The following HDAC2 variants were observed in gnomAD, a reference collection of about 807,000 sequenced individuals.
HDAC2 encodes YY1-associated factor 1.
A neutral mutation model predicts 68.5 loss-of-function variants in HDAC2; 5 were observed. The ratio of observed to expected loss-of-function variants is 0.07; its 90% CI spans 0.04 to 0.15. The LOEUF (loss-of-function observed/expected upper bound fraction) is 0.15, where lower values mean the gene tolerates loss of function less well. Ranked by LOEUF, HDAC2 falls within the 10% of genes least tolerant of loss-of-function variation. The pLI, the probability that HDAC2 is intolerant of heterozygous loss-of-function variation, is 1.00. For synonymous variants in HDAC2, 182 were observed against 191.3 expected, an observed-to-expected ratio of 0.95 and a Z score of 0.40; for missense variants, 291 against 600.8, an observed-to-expected ratio of 0.48 and a Z score of 5.39.
At chr6:113,952,066 C>CATA (rs1776432515) in intron 6 of HDAC2, among the ~76,000 whole-genome samples, 2 of 152,152 alleles carry the variant, frequency 1.3e-5, no homozygotes, top group African/African-American at 4.8e-5. Context: ...TGTATTCTAT[C>CATA]AGTTTACAGC....
intron 5 of HDAC2, 137 bp from the exon 6 acceptor site, chr6:113,953,555 G>C: frequency 1.9e-6 from 1 of 529,358 alleles, no homozygotes; most frequent in African/African-American, 1.9e-5. Context: ...AGCCTAAGAG[G>C]TTATTCAAAT....
intron 1 of HDAC2, among the ~76,000 whole-genome samples, chr6:113,961,344 C>T (rs1280309077): frequency 6.6e-6 from 1 of 152,140 alleles, no homozygotes; most frequent in Non-Finnish European, 1.5e-5. Flanking sequence ...TTTACAAAAT[C>T]CATGCTTCTA....
At position 113,939,756 on chromosome 6, in the gene HDAC2, A is replaced by C. The variant is rs978228338; in HGVS notation, c.*1302T>G. ...AATTTCGGTGTATTTTAAGAAAAAAACACCGAAGCAAATATAGCAAAAGTA... is the reference window on the plus strand; with the variant it reads ...AATTTCGGTGTATTTTAAGAAAAAACCACCGAAGCAAATATAGCAAAAGTA... On this transcript the variant is annotated 3_prime_UTR_variant, in exon 14 of 14. Coordinates refer to ENST00000519065, the MANE Select transcript of HDAC2 (RefSeq NM_001527.4). The C allele has an allele frequency of 6.6e-6, 1 of 152,228 alleles. No homozygotes were observed. Among genetic ancestry groups the C allele is most frequent in the African/African-American group, 2.4e-5 (1 of 41,464 alleles). The allele number at this position is 152,228 out of a possible 1,614,324, so 9.4% of individuals were successfully genotyped here.
At chr6:113,962,211 T>C (rs1776700042) in intron 1 of HDAC2, among the ~76,000 whole-genome samples, 1 of 152,156 alleles carries the variant, frequency 6.6e-6, no homozygotes, top group African/African-American at 2.4e-5. Flanking sequence ...TTATTCCTAT[T>C]GTATAATAGT....
chr6:113,965,413 C>A (rs1394065045), intron 1 of HDAC2, among the ~76,000 whole-genome samples: 1 of 151,622 alleles, frequency 6.6e-6, no homozygotes, highest in African/African-American at 2.4e-5. Flanking sequence ...CCCACCCAGG[C>A]TGGAGTGCAA....
rs143226647 is a variant in HDAC2, at chr6:113,943,057, T to C, written c.1378+294A>G. 3.9e-5 allele frequency among the ~76,000 whole-genome samples: 6 copies of C among 152,318 alleles called. No individual in the cohort carries two copies. The East Asian group carries it at 1.2e-3, about 29-fold the overall frequency. On this transcript the variant is annotated intron_variant, in intron 12 of 13. Coordinates refer to ENST00000519065, the MANE Select transcript of HDAC2 (RefSeq NM_001527.4). The stretch of plus-strand genomic sequence containing the variant: ...CCATGCACTACCAATAGATTCATAA[T>C]TACTTTGTCCTCTTTCTTAACCAAT...
chr6:113,960,931 C>T (rs541371979), intron 1 of HDAC2, among the ~76,000 whole-genome samples: 36 of 152,172 alleles, frequency 2.4e-4, no homozygotes, highest in Admixed American at 9.2e-4. Context: ...CTAAATCATA[C>T]AGTGTAACAA....
chr6:113,962,472 C>T lies in HDAC2; in HGVS notation c.53-2454G>A, dbSNP rs149532681. ...TCTTGGTTAATTTAAAGAAAATGAA[C>T]ACAAGAAACTGTACCTAATATATCA... On this transcript the variant is annotated intron_variant, in intron 1 of 13. Transcript: ENST00000519065. The T allele has an allele frequency of 5.0e-3, 1,323 of 262,706 alleles. 14 individuals carry two copies. In the South Asian group the frequency reaches 0.056, roughly 11 times the overall value. 16.3% of individuals were successfully genotyped at this position (262,706 alleles called of 1,614,324 possible). A position where few individuals can be genotyped will look rare whatever the true frequency, so the allele number is the denominator to read the frequency against.
intron 1 of HDAC2, 142 bp downstream of exon 1, chr6:113,970,715 G>C (rs1221949474): frequency 7.2e-7 from 1 of 1,395,712 alleles, no homozygotes; most frequent in East Asian, 2.8e-5. Flanking sequence ...AACTGTGCCG[G>C]GCCGGGAACG....
At position 113,949,215 on chromosome 6, in the gene HDAC2, T is replaced by G. The variant is rs1198502068; in HGVS notation, c.685A>C (p.Met229Leu). The change falls in exon 7 of 14, where the codon ATG (methionine) becomes CTG (leucine). Residue 229 changes from methionine (M) to leucine (L), a missense_variant. This residue lies in a region of HDAC2 where 154 missense variants were observed against 472.1 expected (regional missense o/e 0.33). Transcript: ENST00000519065. ...KGKYYAVNFP[M>L]RDGIDDESYG... ...GACTCATCATCTATACCATCTCTCA[T>G]TGGAAAATTGACAGCATAGTATTTG... 1 of 1,608,638 alleles carries G rather than the reference T, an allele frequency of 6.2e-7. No homozygotes were observed. The highest frequency in any genetic ancestry group is 1.3e-5 in the African/African-American group (1 of 74,810).
chr6:113,945,260 T>C, intron 10 of HDAC2, 102 bp downstream of exon 10: 3 of 488,808 alleles, frequency 6.1e-6, no homozygotes, highest in South Asian at 4.2e-5. Context: ...AAAAACAAAA[T>C]ATCTAATAAA....
At chr6:113,965,349 CCT>C (rs994628877) in intron 1 of HDAC2, among the ~76,000 whole-genome samples, 4 of 151,602 alleles carry the variant, frequency 2.6e-5, no homozygotes, top group Non-Finnish European at 4.4e-5. Flanking sequence ...TCAAAGGTCC[CCT>C]CTCTTTTACT....
At chr6:113,966,745 AG>A (rs976132462) in intron 1 of HDAC2, among the ~76,000 whole-genome samples, 18 of 152,182 alleles carry the variant, frequency 1.2e-4, no homozygotes, top group African/African-American at 3.9e-4. Context: ...AAGAAAAATA[AG>A]GCAATAACAG....
In HDAC2 at chr6:113,941,774, A is replaced by T; in HGVS notation, c.1379-9T>A. 1 of 1,220,430 alleles carries T rather than the reference A, an allele frequency of 8.2e-7. No homozygotes were observed. Among genetic ancestry groups the T allele is most frequent in the Non-Finnish European group, 1.1e-6 (1 of 874,068 alleles). 75.6% of individuals were successfully genotyped at this position (1,220,430 alleles called of 1,614,324 possible). A position where few individuals can be genotyped will look rare whatever the true frequency, so the allele number is the denominator to read the frequency against. On this transcript the variant is annotated splice_polypyrimidine_tract_variant and intron_variant, in intron 12 of 13. Transcript: ENST00000519065. ...ATCTTCTTCCTTAACGTCTAAAAAT[A>T]AAGATTGGGAAAAGATTAAAACCTA...
chr6:113,970,450 G>A (rs1776960779), intron 1 of HDAC2: 4 of 1,058,336 alleles, frequency 3.8e-6, no homozygotes, highest in Non-Finnish European at 4.6e-6. Context: ...GGGTCGAGGG[G>A]GTAGGAGGCC....
chr6:113,965,122 T>C (rs950511719), intron 1 of HDAC2, among the ~76,000 whole-genome samples: 1 of 152,232 alleles, frequency 6.6e-6, no homozygotes, highest in Non-Finnish European at 1.5e-5. Context: ...TTTCCACCTC[T>C]GGGTAAAGTC....
At position 113,952,920 on chromosome 6, in the gene HDAC2, C is replaced by T. The variant is rs139877418; in HGVS notation, c.639+357G>A. On this transcript the variant is annotated intron_variant, in intron 6 of 13. Transcript: ENST00000519065. ...AGAGGAGCAGAAGAACCTAAAAAGACCTAGTCTATTTTATTCCACCATTCT... is the reference window on the plus strand; with the variant it reads ...AGAGGAGCAGAAGAACCTAAAAAGATCTAGTCTATTTTATTCCACCATTCT... Among the ~76,000 whole-genome samples, 330 of 152,212 alleles carry T rather than the reference C, an allele frequency of 2.2e-3. 2 individuals are homozygous for T. Among genetic ancestry groups the T allele is most frequent in the African/African-American group, 7.7e-3 (320 of 41,554 alleles).
intron 2 of HDAC2, 146 bp downstream of exon 2, chr6:113,959,760 G>A (rs980345295): frequency 5.3e-6 from 3 of 566,068 alleles, no homozygotes; most frequent in Non-Finnish European, 9.5e-6. Flanking sequence ...CATCTCCTAA[G>A]AATAAACGAA....
chr6:113,952,456 C>CAA (rs2114603037), intron 6 of HDAC2, among the ~76,000 whole-genome samples: 1 of 152,298 alleles, frequency 6.6e-6, no homozygotes, highest in African/African-American at 2.4e-5. Context: ...TACTTTATGG[C>CAA]AACTCTTTAA....
Sources: gnomAD v4.1 joint callset for allele counts (sites outside exome capture counted in the v4.1 genomes callset) on GRCh38, gnomAD v4.1.1 for gene constraint, gnomAD v4.1.1 regional missense constraint, MANE v1.5 for transcripts, NCBI Gene and HGNC (gene_info 2026-07-23, HGNC 2026-07-21) for gene names.